Variants in CACNA1B observed in about 807,000 individuals in gnomAD.
CACNA1B encodes the protein calcium voltage-gated channel subunit alpha1 B.
Under a neutral mutation model 247.2 loss-of-function variants are expected in CACNA1B, and 70 were observed. The observed-to-expected ratio is 0.28, with a 90% CI of 0.23 to 0.35. The LOEUF is 0.35. Among genes scored for constraint, CACNA1B ranks in the 10% least tolerant of loss-of-function variants. The pLI, the probability that CACNA1B is intolerant of heterozygous loss-of-function variation, is 1.00. For synonymous variants in CACNA1B, 1,231 were observed against 1,294.4 expected (o/e 0.95, Z 1.05); for missense variants, 2,367 against 3,197.4 (o/e 0.74, Z 6.26).
At position 138,012,742 on chromosome 9, in the gene CACNA1B, A is replaced by C. The variant is rs1379179779; in HGVS notation, c.2161-387A>C. The stretch of plus-strand genomic sequence containing the variant: ...AAAAAAAAAAAACAAATAACAAAAA[A>C]CAAAACAAACAAATGGAAATATCCA... On this transcript the variant is annotated intron_variant, in intron 17 of 46. Coordinates refer to ENST00000371372, the MANE Select transcript of CACNA1B (RefSeq NM_000718.4). This position sits in a 1 kb window ranked among gnomAD's most constrained non-coding sequence, Gnocchi z 4.2. Among the ~76,000 whole-genome samples the C allele has an allele frequency of 6.6e-6, 1 of 151,842 alleles. No homozygotes were observed. The highest frequency in any genetic ancestry group is 2.4e-5 in the African/African-American group (1 of 41,346).
Position 137,879,169 on chromosome 9 carries a change from C to G in CACNA1B, c.390+10C>G. 4 of 1,584,936 alleles carry G rather than the reference C, an allele frequency of 2.5e-6. No homozygotes were observed. Among genetic ancestry groups the G allele is most frequent in the South Asian group, 1.1e-5 (1 of 89,902 alleles). On this transcript the variant is annotated intron_variant, in intron 2 of 46. Coordinates refer to ENST00000371372, the MANE Select transcript of CACNA1B (RefSeq NM_000718.4). ...CATGTCCGAGCGGCTGGTGAGTGCC[C>G]GGCTGGGCCTGAGGGCAGGGTGGTG... is the stretch of plus-strand genomic sequence containing the variant.
chr9:138,074,384 A>G lies in CACNA1B; in HGVS notation c.4857+318A>G, dbSNP rs976606635. Among the ~76,000 whole-genome samples the G allele has an allele frequency of 5.3e-5, 8 of 151,890 alleles. No homozygotes were observed. The East Asian group carries it at 7.8e-4, about 15-fold the overall frequency. Reference sequence around the variant, plus strand: ...GCCTCCCAAGTAGCTGGGATTATAGATGTGTGCCACCACGCCCGGCTAATT... The same window carrying G: ...GCCTCCCAAGTAGCTGGGATTATAGGTGTGTGCCACCACGCCCGGCTAATT... On this transcript the variant is annotated intron_variant, in intron 34 of 46. Transcript: ENST00000371372.
At chr9:138,030,456 TTCTC>T (rs1394485087) in intron 20 of CACNA1B, among the ~76,000 whole-genome samples, 1 of 152,232 alleles carries the variant, frequency 6.6e-6, no homozygotes, top group African/African-American at 2.4e-5. Context: ...GTATAATTAT[TTCTC>T]TATGTTGCTG....
chr9:138,006,434 G>A lies in CACNA1B; in HGVS notation c.1975-333G>A, dbSNP rs546855727. 9.9e-5 allele frequency among the ~76,000 whole-genome samples: 15 copies of A among 152,244 alleles called. No individual in the cohort carries two copies. In the East Asian group the frequency reaches 2.7e-3, roughly 27 times the overall value. On this transcript the variant is annotated intron_variant, in intron 15 of 46. Transcript: ENST00000371372. The stretch of plus-strand genomic sequence containing the variant: ...GCAGTGACGTGGATGGCGCTGTTTC[G>A]TCTCTCCATGCCTGATCTCACTGCT...
chr9:138,078,052 C>CCA, intron 35 of CACNA1B, 62 bp from the exon 36 acceptor site: 1 of 1,540,590 alleles, frequency 6.5e-7, no homozygotes, highest in Non-Finnish European at 8.9e-7. Flanking sequence ...CTTGGTAGCC[C>CCA]CACAGGGCTC....
In CACNA1B at chr9:138,100,981, T is replaced by C. The variant is rs1280150057; in HGVS notation, c.5223-1730T>C. On this transcript the variant is annotated intron_variant, in intron 37 of 46. Transcript: ENST00000371372. The surrounding 1 kb of genome is among the most constrained non-coding windows in gnomAD (Gnocchi z 4.6). ...CCCCGGCGAGGTGCCACCTGTCCAG[T>C]GCACCCCTCACCTCCGCCGCCACGC... 1 of 424,468 alleles carries C rather than the reference T, an allele frequency of 2.4e-6. No individual in the cohort carries two copies. Among genetic ancestry groups the C allele is most frequent in the African/African-American group, 2.0e-5 (1 of 49,482 alleles). 26.3% of individuals were successfully genotyped at this position (424,468 alleles called of 1,614,324 possible). A position where few individuals can be genotyped will look rare whatever the true frequency, so the allele number is the denominator to read the frequency against.
In CACNA1B at chr9:137,881,092, C is replaced by T. The variant is rs565264207; in HGVS notation, c.391-1652C>T. ...GTGCTGGCTGGTCCTTCCTAGGCGT[C>T]GGGCCTGTTCTCTTTTTCACCAGGA... is the stretch of plus-strand genomic sequence containing the variant. On this transcript the variant is annotated intron_variant, in intron 2 of 46. Coordinates refer to ENST00000371372, the MANE Select transcript of CACNA1B (RefSeq NM_000718.4). This position sits in a 1 kb window ranked among gnomAD's most constrained non-coding sequence, Gnocchi z 4.3. Among the ~76,000 whole-genome samples, 34 of 152,338 alleles carry T rather than the reference C, an allele frequency of 2.2e-4. No individual in the cohort carries two copies. Among genetic ancestry groups the T allele is most frequent in the African/African-American group, 6.5e-4 (27 of 41,576 alleles).
intron 36 of CACNA1B, among the ~76,000 whole-genome samples, chr9:138,081,388 C>T (rs1960519210): frequency 6.6e-6 from 1 of 152,218 alleles, no homozygotes; most frequent in East Asian, 1.9e-4. Flanking sequence ...AACTGTAATC[C>T]TAATCCTTCT....
At chr9:137,987,059 C>A (rs952977375) in intron 15 of CACNA1B, among the ~76,000 whole-genome samples, 1 of 152,204 alleles carries the variant, frequency 6.6e-6, no homozygotes, top group Non-Finnish European at 1.5e-5. Context: ...CCAGCCCCTA[C>A]GGTGAAGGAA....
chr9:137,927,594 C>T (rs982173921), intron 6 of CACNA1B, among the ~76,000 whole-genome samples: 6 of 152,174 alleles, frequency 3.9e-5, no homozygotes, highest in Admixed American at 6.5e-5. Context: ...CCTTGGTCTG[C>T]GTATCTCGAT....
chr9:138,082,704 A>G lies in CACNA1B; in HGVS notation c.5094+4446A>G, dbSNP rs1002002676. On this transcript the variant is annotated intron_variant, in intron 36 of 46. Transcript: ENST00000371372. ...ACTTCTACAACTCAACAACAAAAAT[A>G]AAACAACCCAATTAAGAAATGAGAG... Among the ~76,000 whole-genome samples, 17 of 151,382 alleles carry G rather than the reference A, an allele frequency of 1.1e-4. 1 individual carries two copies. Among genetic ancestry groups the G allele is most frequent in the African/African-American group, 3.7e-4 (15 of 40,948 alleles).
rs146062410 is a variant in CACNA1B, at chr9:138,054,652, C to T, written c.3968+646C>T. Reference sequence around the variant, plus strand: ...TGGGAATGCTGCACGTGCACACGTCCGCCAGGGAGCAGTAGCAGTTTGGGG... The same window carrying T: ...TGGGAATGCTGCACGTGCACACGTCTGCCAGGGAGCAGTAGCAGTTTGGGG... On this transcript the variant is annotated intron_variant, in intron 26 of 46. Coordinates refer to ENST00000371372, the MANE Select transcript of CACNA1B (RefSeq NM_000718.4). The surrounding 1 kb of genome is among the most constrained non-coding windows in gnomAD (Gnocchi z 4.6). 3.2e-4 allele frequency among the ~76,000 whole-genome samples: 49 copies of T among 152,294 alleles called. No homozygotes were observed. In the East Asian group the frequency reaches 8.7e-3, roughly 27 times the overall value.
intron 6 of CACNA1B, among the ~76,000 whole-genome samples, chr9:137,933,631 T>C (rs1012352915): frequency 5.9e-5 from 9 of 152,192 alleles, no homozygotes; most frequent in Admixed American, 3.3e-4. Flanking sequence ...GGGTGATAGG[T>C]CATTTCCTTA....
In CACNA1B at chr9:137,913,236, T is replaced by C; in HGVS notation, c.587T>C (p.Val196Ala). Reference protein sequence around the residue: ...FDLRTLRAVRVLRPLKLVSGI... With the variant: ...FDLRTLRAVRALRPLKLVSGI... Reference sequence around the variant, plus strand: ...CTGCGAACACTGAGGGCTGTGCGTGTGCTGAGGCCCCTGAAGCTGGTGTCT... The same window carrying C: ...CTGCGAACACTGAGGGCTGTGCGTGCGCTGAGGCCCCTGAAGCTGGTGTCT... Residue 196 changes from valine to alanine, a missense_variant, in exon 4 of 47, where the codon GTG becomes GCG. Physicochemically the swap from Val to Ala is moderately conservative, Grantham distance 64. Coordinates refer to ENST00000371372, the MANE Select transcript of CACNA1B (RefSeq NM_000718.4). The surrounding 1 kb of genome is among the most constrained non-coding windows in gnomAD (Gnocchi z 5.2). 6.2e-7 allele frequency: 1 copy of C among 1,613,928 alleles called. No individual in the cohort carries two copies. Among genetic ancestry groups the C allele is most frequent in the Non-Finnish European group, 8.5e-7 (1 of 1,179,854 alleles).
rs187721569 is a variant in CACNA1B at position 138,120,278 on chromosome 9, G to A, written c.6144G>A (p.Ser2048=). The change falls in exon 45 of 47, where the codon TCG becomes TCA. Residue 2048 remains serine, a synonymous_variant. Coordinates refer to ENST00000371372, the MANE Select transcript of CACNA1B (RefSeq NM_000718.4). The part of the protein sequence containing the change: ...TPDRPPPSQA[S]SHHHHHRCHR... ...ACCGCCCACCCCCTAGCCAGGCGTC[G>A]TCGCACCACCACCACCACCGCTGCC... The A allele has an allele frequency of 8.9e-4, 1,412 of 1,584,210 alleles. 3 individuals are homozygous for A. Among genetic ancestry groups the A allele is most frequent in the Middle Eastern group, 5.4e-3 (32 of 5,894 alleles).
chr9:137,893,069 AG>A (rs1201708630), intron 3 of CACNA1B, among the ~76,000 whole-genome samples: 6 of 152,238 alleles, frequency 3.9e-5, no homozygotes, highest in Admixed American at 3.9e-4. Context: ...AGGAGGGCAA[AG>A]GCCCCCCACC....
intron 36 of CACNA1B, among the ~76,000 whole-genome samples, chr9:138,093,258 A>G (rs1185664279): frequency 6.6e-6 from 1 of 152,072 alleles, no homozygotes; most frequent in Non-Finnish European, 1.5e-5. Context: ...TGTCTCTACT[A>G]AAAATACAAA....
chr9:138,068,403 AATG>A (rs1960004808), intron 31 of CACNA1B, among the ~76,000 whole-genome samples: 1 of 152,218 alleles, frequency 6.6e-6, no homozygotes, highest in Non-Finnish European at 1.5e-5. Context: ...TAAAAAAGTT[AATG>A]ATCTGAGTAA....
chr9:137,900,363 C>T (rs373896598), intron 3 of CACNA1B, among the ~76,000 whole-genome samples: 4 of 152,270 alleles, frequency 2.6e-5, no homozygotes, highest in Admixed American at 2.0e-4. Context: ...GAGCACTCCC[C>T]GACCTTGGGT....
Sources: gnomAD v4.1 joint callset for allele counts (sites outside exome capture counted in the v4.1 genomes callset) on GRCh38, gnomAD v4.1.1 for gene constraint, Gnocchi (gnomAD v3.1) non-coding constraint, MANE v1.5 for transcripts, NCBI Gene and HGNC (gene_info 2026-07-23, HGNC 2026-07-21) for gene names.